MOG: variants seen among roughly 807,000 people sequenced by gnomAD.
MOG encodes the protein myelin-oligodendrocyte glycoprotein.
MOG carries 20 observed loss-of-function variants against 35.9 expected under a neutral mutation model. That is an observed-to-expected ratio of 0.56 (90% CI 0.39 to 0.81). The LOEUF is 0.81. Ranked by LOEUF, MOG falls within the 30% of genes least tolerant of loss-of-function variation. The pLI is 0.00. For synonymous variants in MOG, 92 were observed against 114.3 expected (o/e 0.80, Z 1.25); for missense variants, 251 against 301.0 (o/e 0.83, Z 1.23).
At position 29,670,357 on chromosome 6, in the gene MOG, C is replaced by T; in HGVS notation, c.669C>T (p.Ala223=). The change falls in exon 6 of 8, where the codon GCC becomes GCT. Residue 223 remains alanine, a synonymous_variant. Transcript: ENST00000376917. This position sits in a 1 kb window ranked among gnomAD's most constrained non-coding sequence, Gnocchi z 4.2. The stretch of plus-strand genomic sequence containing the variant: ...TGCCGGTTCTTGGACCCTTGGTTGC[C>T]TTGATCATCTGCTACAACTGGCTAC... ...VIVPVLGPLV[A]LIICYNWLHR... 1 of 1,614,184 alleles carries T rather than the reference C, an allele frequency of 6.2e-7. No homozygotes were observed. The highest frequency in any genetic ancestry group is 8.5e-7 in the Non-Finnish European group (1 of 1,180,044).
rs143168440 is a variant in MOG, at chr6:29,666,165, G to C, written c.450G>C (p.Trp150Cys). 28 of 1,612,054 alleles carry C rather than the reference G, an allele frequency of 1.7e-5. No individual in the cohort carries two copies. Among genetic ancestry groups the C allele is most frequent in the Non-Finnish European group, 2.4e-5 (28 of 1,179,188 alleles). Residue 150 changes from tryptophan (W) to cysteine (C), a missense_variant, in exon 3 of 8, where the codon TGG becomes TGC. Trp to Cys is a radical substitution (Grantham distance 215). Coordinates refer to ENST00000376917, the MANE Select transcript of MOG (RefSeq NM_206809.4). ...CCTGCCTTTCAGATCCTTTCTACTG[G>C]GTGAGCCCTGGAGTGCTGGTTCTCC... ...MELKVEDPFY[W>C]VSPGVLVLLA...
At chr6:29,666,685 T>C (rs777761456) in intron 3 of MOG, among the ~76,000 whole-genome samples, 11 of 152,208 alleles carry the variant, frequency 7.2e-5, no homozygotes, top group Non-Finnish European at 1.5e-4. Context: ...ATAAAGATAC[T>C]GAAGTGAAAG....
intron 1 of MOG, among the ~76,000 whole-genome samples, 187 bp downstream of exon 1, chr6:29,657,484 A>G (rs956185906): frequency 4.0e-4 from 60 of 149,464 alleles, no homozygotes; most frequent in African/African-American, 1.5e-3. Flanking sequence ...GATGGAGTCC[A>G]GACTCTTTTT....
chr6:29,659,821 G>T (rs1583090838), intron 2 of MOG, 155 bp downstream of exon 2: 1 of 697,964 alleles, frequency 1.4e-6, no homozygotes, highest in East Asian at 2.7e-5. Flanking sequence ...TCATGCTTAG[G>T]GATGTCTGTT....
rs1261094726 is a variant in MOG at position 29,658,682 on chromosome 6, GGGCTGAAGAGTCAGAGAT to G, written c.89-632_89-615del. On this transcript the variant is annotated intron_variant, in intron 1 of 7. Transcript: ENST00000376917. ...CATTCCAAGAGGGAACCTAAAGGCT[GGGCTGAAGAGTCAGAGAT>G]GGCTACAGCTGGCAAAAAGATGGGC... Among the ~76,000 whole-genome samples, 3 of 152,198 alleles carry G rather than the reference GGGCTGAAGAGTCAGAGAT, an allele frequency of 2.0e-5. No homozygotes were observed. The East Asian group carries it at 5.8e-4, about 29-fold the overall frequency.
In MOG at chr6:29,666,784, C is replaced by CT. The variant is rs1339690604; in HGVS notation, c.550+525dup. On this transcript the variant is annotated intron_variant, in intron 3 of 7. Coordinates refer to ENST00000376917, the MANE Select transcript of MOG (RefSeq NM_206809.4). ...AGGTTCAGCTGCTGATGAAGCTCCT[C>CT]TTTTTTGCCTAGAGCTTTCATTCTG... 4.6e-5 allele frequency among the ~76,000 whole-genome samples: 7 copies of CT among 152,298 alleles called. No individual in the cohort carries two copies. The East Asian group carries it at 1.4e-3, about 29-fold the overall frequency.
chr6:29,659,741 A>T, intron 2 of MOG, 75 bp downstream of exon 2: 1 of 1,212,168 alleles, frequency 8.2e-7, no homozygotes, highest in South Asian at 1.3e-5. Flanking sequence ...CTGAGATGAG[A>T]TCCCTCAACC....
intron 5 of MOG, among the ~76,000 whole-genome samples, chr6:29,668,929 CTTTT>C (rs869182982): frequency 7.1e-6 from 1 of 141,124 alleles, no homozygotes. Flanking sequence ...ATAAATGTTT[CTTTT>C]TTTTTTTTTT....
chr6:29,670,428 C>A lies in MOG; in HGVS notation c.709+31C>A, dbSNP rs1408524790. The A allele has an allele frequency of 1.3e-6, 2 of 1,599,336 alleles. No individual in the cohort carries two copies. The highest frequency in any genetic ancestry group is 1.7e-6 in the Non-Finnish European group (2 of 1,167,086). ...GTGGCTGGGCAGCAGGCAAGACCAC[C>A]AAATAGTGGGGGACCAAGTCAGCTC... On this transcript the variant is annotated intron_variant, in intron 6 of 7. Coordinates refer to ENST00000376917, the MANE Select transcript of MOG (RefSeq NM_206809.4). This position sits in a 1 kb window ranked among gnomAD's most constrained non-coding sequence, Gnocchi z 4.2.
intron 1 of MOG, 22 bp downstream of exon 1, chr6:29,657,319 G>C: frequency 1.3e-6 from 2 of 1,529,768 alleles, no homozygotes; most frequent in East Asian, 2.4e-5. Flanking sequence ...TTTTTTTCCT[G>C]CCCTGGGGAG....
Position 29,666,248 on chromosome 6 carries a change from T to A in MOG, c.533T>A (p.Leu178Gln), listed in dbSNP as rs779679587. The A allele has an allele frequency of 1.2e-6, 2 of 1,606,156 alleles. No individual in the cohort carries two copies. The highest frequency in any genetic ancestry group is 1.7e-6 in the Non-Finnish European group (2 of 1,173,766). ...QITVGLIFLC[L>Q]QYRLRGKLRA... ...ACTGTTGGCCTCATCTTCCTCTGCC[T>A]GCAGTACAGACTGAGAGGTACAGGG... Residue 178 changes from leucine (L) to glutamine (Q), a missense_variant, in exon 3 of 8, where the codon CTG becomes CAG. Leu to Gln is a moderately radical substitution (Grantham distance 113). Transcript: ENST00000376917.
chr6:29,662,063 T>G lies in MOG; in HGVS notation c.436+2397T>G, dbSNP rs1471409400. 1.0e-6 allele frequency: 1 copy of G among 985,278 alleles called. No homozygotes were observed. The highest frequency in any genetic ancestry group is 1.2e-6 in the Non-Finnish European group (1 of 829,924). The allele number at this position is 985,278 out of a possible 1,614,324, so 61.0% of individuals were successfully genotyped here. ...TAATGGTATTATTGCAAGTCTCAGG[T>G]GTAACTACCTCTGCTCTTTCTCTGA... On this transcript the variant is annotated intron_variant, in intron 2 of 7. Transcript: ENST00000376917. The surrounding 1 kb of genome is among the most constrained non-coding windows in gnomAD (Gnocchi z 4.2).
Position 29,662,250 on chromosome 6 carries a change from G to C in MOG, c.436+2584G>C. 2 of 852,522 alleles carry C rather than the reference G, an allele frequency of 2.3e-6. No homozygotes were observed. The highest frequency in any genetic ancestry group is 2.8e-6 in the Non-Finnish European group (2 of 709,170). The allele number at this position is 852,522 out of a possible 1,614,324, so 52.8% of individuals were successfully genotyped here. On this transcript the variant is annotated intron_variant, in intron 2 of 7. Coordinates refer to ENST00000376917, the MANE Select transcript of MOG (RefSeq NM_206809.4). This position sits in a 1 kb window ranked among gnomAD's most constrained non-coding sequence, Gnocchi z 4.2. ...TGTAATCCCAGCACTTTGGGAGGCCGAAGCGGGCAGATCACCCGAGGTCAG... is the reference window on the plus strand; with the variant it reads ...TGTAATCCCAGCACTTTGGGAGGCCCAAGCGGGCAGATCACCCGAGGTCAG...
At chr6:29,661,771 G>A (rs2535259) in intron 2 of MOG, 24,583 of 968,490 alleles carry the variant, frequency 0.025, 733 homozygotes, top group African/African-American at 0.14. Flanking sequence ...AGCCAAGATC[G>A]TGCCATTACA....
chr6:29,672,321 TAAATAAATAAATAAA>T lies in MOG; in HGVS notation c.*1143_*1157del, dbSNP rs1259662709. On this transcript the variant is annotated 3_prime_UTR_variant, in exon 8 of 8. Transcript: ENST00000376917. ...ATAAATAAATAAATAAATAAATAAA[TAAATAAATAAATAAA>T]AAATAATAATACAAGTTTTCATAAG... is the stretch of plus-strand genomic sequence containing the variant. 3.7e-4 allele frequency: 102 copies of T among 278,004 alleles called. No homozygotes were observed. Among genetic ancestry groups the T allele is most frequent in the Middle Eastern group, 1.2e-3 (1 of 858 alleles). The allele number at this position is 278,004 out of a possible 1,614,324, so 17.2% of individuals were successfully genotyped here.
chr6:29,664,140 G>T (rs1220021156), intron 2 of MOG: 1 of 152,320 alleles, frequency 6.6e-6, no homozygotes, highest in Admixed American at 6.5e-5. Flanking sequence ...ACATCTCCAG[G>T]TCTGCACATC....
rs540255328 is a variant in MOG, at chr6:29,659,798, A to G, written c.436+132A>G. On this transcript the variant is annotated intron_variant, in intron 2 of 7. Coordinates refer to ENST00000376917, the MANE Select transcript of MOG (RefSeq NM_206809.4). The stretch of plus-strand genomic sequence containing the variant: ...TGATTTCCATAAAAATGTACACATC[A>G]ATAAACAGAAACTCATGCTTAGGGA... 47 of 766,076 alleles carry G rather than the reference A, an allele frequency of 6.1e-5. No individual in the cohort carries two copies. The East Asian group carries it at 8.6e-4, about 14-fold the overall frequency. 47.5% of individuals were successfully genotyped at this position (766,076 alleles called of 1,614,324 possible).
In MOG at chr6:29,671,576, A is replaced by T. The variant is rs1771465295; in HGVS notation, c.*391A>T. 2 of 788,108 alleles carry T rather than the reference A, an allele frequency of 2.5e-6. No homozygotes were observed. The highest frequency in any genetic ancestry group is 1.4e-5 in the South Asian group (1 of 72,158). The allele number at this position is 788,108 out of a possible 1,614,324, so 48.8% of individuals were successfully genotyped here. A position where few individuals can be genotyped will look rare whatever the true frequency, so the allele number is the denominator to read the frequency against. Reference sequence around the variant, plus strand: ...AAAATTACAGTATGGTAACTTTGCAAATGGTGGTTGTTTCTTCCAAGACTC... The same window carrying T: ...AAAATTACAGTATGGTAACTTTGCATATGGTGGTTGTTTCTTCCAAGACTC... On this transcript the variant is annotated 3_prime_UTR_variant, in exon 8 of 8. Transcript: ENST00000376917.
In MOG at chr6:29,670,986, A is replaced by G. The variant is rs1223821647; in HGVS notation, c.731-186A>G. On this transcript the variant is annotated intron_variant, in intron 7 of 7. Transcript: ENST00000376917. This position sits in a 1 kb window ranked among gnomAD's most constrained non-coding sequence, Gnocchi z 4.2. The stretch of plus-strand genomic sequence containing the variant: ...TCCTCCTTCACTGCCCCTAAGCAGG[A>G]ATCCAACCCTAGCTGGTCTCATTGC... The G allele has an allele frequency of 1.2e-6, 2 of 1,612,186 alleles. No homozygotes were observed. Among genetic ancestry groups the G allele is most frequent in the Admixed American group, 1.7e-5 (1 of 59,954 alleles).
Sources: gnomAD v4.1 joint callset for allele counts (sites outside exome capture counted in the v4.1 genomes callset) on GRCh38, gnomAD v4.1.1 for gene constraint, Gnocchi (gnomAD v3.1) non-coding constraint, MANE v1.5 for transcripts, NCBI Gene and HGNC (gene_info 2026-07-23, HGNC 2026-07-21) for gene names.